MUC6: variants seen among roughly 807,000 people sequenced by gnomAD.
MUC6 encodes mucin-6.
MUC6 carries 188 observed loss-of-function variants against 201.5 expected under a neutral mutation model. The ratio of observed to expected loss-of-function variants is 0.93; its 90% CI spans 0.83 to 1.05. The LOEUF (loss-of-function observed/expected upper bound fraction) is 1.05. Ranked by LOEUF, MUC6 falls within the 50% of genes least tolerant of loss-of-function variation. The pLI is 0.00. For synonymous variants in MUC6, 1,228 were observed against 1,389.4 expected (o/e 0.88, Z 2.58); for missense variants, 2,706 against 3,256.9 (o/e 0.83, Z 4.12).
chr11:1,031,997 G>GGTCGAAGGTGGAGAAGTGACCAGCCCC lies in MUC6; in HGVS notation c.145_171dup (p.Gly49_Asp57dup). The GGTCGAAGGTGGAGAAGTGACCAGCCCC allele has an allele frequency of 6.2e-7, 1 of 1,613,584 alleles. No homozygotes were observed. Among genetic ancestry groups the GGTCGAAGGTGGAGAAGTGACCAGCCCC allele is most frequent in the Non-Finnish European group, 8.5e-7 (1 of 1,179,870 alleles). Reference sequence around the variant, plus strand: ...GTCCCCGAGAAGTCGTACACGTGGTGGTCGAAGGTGGAGAAGTGACCAGCC... The same window carrying GGTCGAAGGTGGAGAAGTGACCAGCCCC: ...GTCCCCGAGAAGTCGTACACGTGGTGGTCGAAGGTGGAGAAGTGACCAGCCCCGTCGAAGGTGGAGAAGTGACCAGCC... On this transcript the variant is annotated inframe_insertion, in exon 3 of 33. Transcript: ENST00000421673.
chr11:1,029,351 G>T lies in MUC6; in HGVS notation c.1152C>A (p.Gly384=). 6.2e-7 allele frequency: 1 copy of T among 1,600,360 alleles called. No homozygotes were observed. ...AACQTCRCTL[G]RWVCTERPCP... ...ACGGCCGCTCCGTGCACACCCAGCG[G>T]CCCAGGGTGCACCGGCTGTGGGTGG... Residue 384 remains glycine, a synonymous_variant, in exon 10 of 33, where the codon GGC becomes GGA. Transcript: ENST00000421673.
intron 19 of MUC6, 147 bp from the exon 20 acceptor site, chr11:1,026,625 C>G (rs1020943112): frequency 9.1e-7 from 1 of 1,095,530 alleles, no homozygotes; most frequent in East Asian, 2.6e-5. Context: ...GGCAGCTGGG[C>G]TTACTGCCTT....
Position 1,027,802 on chromosome 11 carries a change from C to T in MUC6, c.1864G>A (p.Ala622Thr), listed in dbSNP as rs1329049271. The change falls in exon 16 of 33, where the codon GCC becomes ACC. Residue 622 changes from alanine (A) to threonine (T), a missense_variant. This residue lies in a region of MUC6 where 1,850 missense variants were observed against 1,958.3 expected (regional missense o/e 0.94). Transcript: ENST00000421673. ...APFYKRCVYQ[A>T]CNYEETFPHI... Reference sequence around the variant, plus strand: ...GGAAAGGTCTCCTCGTAGTTGCAGGCCTGGTACACGCACCTCTGCGGGCAG... The same window carrying T: ...GGAAAGGTCTCCTCGTAGTTGCAGGTCTGGTACACGCACCTCTGCGGGCAG... 1 of 1,610,852 alleles carries T rather than the reference C, an allele frequency of 6.2e-7. No individual in the cohort carries two copies. Among genetic ancestry groups the T allele is most frequent in the Non-Finnish European group, 8.5e-7 (1 of 1,179,462 alleles).
rs954680950 is a variant in MUC6 at position 1,013,812 on chromosome 11, C to T, written c.7142+87G>A. Reference sequence around the variant, plus strand: ...GTGGCTCACCTGATGGGGCAGCAGGCGCCTGGGTGGGGTGCCCGAACCTCT... The same window carrying T: ...GTGGCTCACCTGATGGGGCAGCAGGTGCCTGGGTGGGGTGCCCGAACCTCT... On this transcript the variant is annotated intron_variant, in intron 32 of 32. Transcript: ENST00000421673. 1.8e-5 allele frequency: 26 copies of T among 1,444,690 alleles called. No homozygotes were observed. The African/African-American group carries it at 1.8e-4, about 10-fold the overall frequency. The allele number at this position is 1,444,690 out of a possible 1,614,324, so 89.5% of individuals were successfully genotyped here.
rs1395577230 is a variant in MUC6 at position 1,016,562 on chromosome 11, G to A, written c.6239C>T (p.Thr2080Ile). Residue 2080 changes from threonine (T) to isoleucine (I), a missense_variant, in exon 31 of 33, where the codon ACA becomes ATA. Around this residue, in one of 10 missense-constraint regions of MUC6, gnomAD observed 586 missense variants for 488.0 expected, o/e 1.20. Transcript: ENST00000421673. The stretch of plus-strand genomic sequence containing the variant: ...TATGAAGGAAGAAGAGGCTGTAGCT[G>A]TGCTGAATGAGCTGTGGGTTTGGCT... ...GTSQTHSSFSTATASSSFISS... is the reference protein window; with the variant it reads ...GTSQTHSSFSIATASSSFISS... 1 of 1,613,492 alleles carries A rather than the reference G, an allele frequency of 6.2e-7. No homozygotes were observed. Among genetic ancestry groups the A allele is most frequent in the Admixed American group, 1.7e-5 (1 of 60,010 alleles).
Position 1,018,658 on chromosome 11 carries a change from C to T in MUC6, c.4143G>A (p.Thr1381=), listed in dbSNP as rs756454875. 91 of 1,612,406 alleles carry T rather than the reference C, an allele frequency of 5.6e-5. No homozygotes were observed. The highest frequency in any genetic ancestry group is 2.2e-4 in the East Asian group (10 of 44,822). The part of the protein sequence containing the change: ...GPTTPQPGQP[T]RPTATETTQT... The stretch of plus-strand genomic sequence containing the variant: ...GAGTGGTCTCTGTGGCTGTGGGCCT[C>T]GTGGGTTGTCCTGGCTGTGGGGTGG... Residue 1381 remains threonine, a synonymous_variant, in exon 31 of 33, where the codon ACG becomes ACA. Coordinates refer to ENST00000421673, the MANE Select transcript of MUC6 (RefSeq NM_005961.3).
At chr11:1,019,747 AC>A (rs1267070642) in intron 29 of MUC6, among the ~76,000 whole-genome samples, 5 of 152,244 alleles carry the variant, frequency 3.3e-5, no homozygotes, top group Admixed American at 2.0e-4. Context: ...GCTTAGCTGA[AC>A]GGACTGTCGT....
intron 2 of MUC6, 137 bp from the exon 3 acceptor site, chr11:1,032,190 T>G: frequency 8.3e-7 from 1 of 1,199,574 alleles, no homozygotes; most frequent in Non-Finnish European, 1.1e-6. Flanking sequence ...ACCCCAGACA[T>G]CCGATGAACC....
intron 2 of MUC6, among the ~76,000 whole-genome samples, 152 bp from the exon 3 acceptor site, chr11:1,032,205 T>C (rs1857122196): frequency 6.6e-6 from 1 of 152,108 alleles, no homozygotes; most frequent in African/African-American, 2.4e-5. Context: ...TGAACCTGAG[T>C]GCTATGGTAT....
chr11:1,034,408 C>T (rs1013226775), intron 1 of MUC6, among the ~76,000 whole-genome samples: 2 of 152,214 alleles, frequency 1.3e-5, no homozygotes, highest in African/African-American at 2.4e-5. Context: ...ACTCATCCCC[C>T]TCCTGGGGGT....
intron 6 of MUC6, 42 bp from the exon 7 acceptor site, chr11:1,030,822 C>T (rs1339420488): frequency 6.5e-7 from 1 of 1,530,926 alleles, no homozygotes; most frequent in Non-Finnish European, 8.7e-7. Context: ...AGGCCACACC[C>T]CATGCCACCA....
Position 1,015,887 on chromosome 11 carries a change from G to A in MUC6, c.6914C>T (p.Thr2305Ile). The A allele has an allele frequency of 6.2e-7, 1 of 1,608,916 alleles. No homozygotes were observed. Among genetic ancestry groups the A allele is most frequent in the Non-Finnish European group, 8.5e-7 (1 of 1,177,018 alleles). Residue 2305 changes from threonine to isoleucine, a missense_variant, in exon 31 of 33, where the codon ACC becomes ATC. Transcript: ENST00000421673. ...CGACAAGGTGGGACCAGGGTGCCTG[G>A]TGGTAAGGTTGGTGACTGGAGAGGT... ...IPTSPVTNLT[T>I]RHPGPTLSPT...
At position 1,016,015 on chromosome 11, in the gene MUC6, A is replaced by C. The variant is rs753942569; in HGVS notation, c.6786T>G (p.Pro2262=). 1.2e-5 allele frequency: 19 copies of C among 1,606,978 alleles called. No homozygotes were observed. Among genetic ancestry groups the C allele is most frequent in the Admixed American group, 1.7e-5 (1 of 59,748 alleles). Residue 2262 remains proline, a synonymous_variant, in exon 31 of 33, where the codon CCT becomes CCG. Coordinates refer to ENST00000421673, the MANE Select transcript of MUC6 (RefSeq NM_005961.3). Reference sequence around the variant, plus strand: ...AGGTGGTGGACTGAGAGGAGAAGGCAGGGGCGGTGTGGGTGCTGGCCGTGG... The same window carrying C: ...AGGTGGTGGACTGAGAGGAGAAGGCCGGGGCGGTGTGGGTGCTGGCCGTGG... ...PRTTASTHTA[P]AFSSQSTTSR...
Position 1,027,177 on chromosome 11 carries a change from G to A in MUC6, c.2248C>T (p.Arg750Trp), listed in dbSNP as rs142554154. Residue 750 changes from arginine to tryptophan, a missense_variant, in exon 18 of 33, where the codon CGG becomes TGG. Coordinates refer to ENST00000421673, the MANE Select transcript of MUC6 (RefSeq NM_005961.3). ...NGITCHCING[R>W]LSCPQRPQMF... ...TGTGGCCGCTGCGGGCAACTCAGCC[G>A]CCCGTTGATGCAGTGGCTGCAAGAG... 9.4e-4 allele frequency: 1,522 copies of A among 1,612,500 alleles called. 34 individuals carry two copies. In the Admixed American group the frequency reaches 0.014, roughly 15 times the overall value.
chr11:1,021,305 G>C, intron 26 of MUC6, 28 bp from the exon 27 acceptor site: 1 of 1,476,974 alleles, frequency 6.8e-7, no homozygotes, highest in Non-Finnish European at 9.0e-7. Flanking sequence ...CAGGGTCTGT[G>C]TGACTGGTGG....
chr11:1,014,078 C>T (rs1026502312), intron 31 of MUC6, 77 bp from the exon 32 acceptor site: 26 of 1,303,552 alleles, frequency 2.0e-5, no homozygotes, highest in African/African-American at 4.4e-5. Flanking sequence ...GGCTAGAGAC[C>T]GGGGTCCCCA....
chr11:1,023,707 G>A, intron 25 of MUC6, 55 bp from the exon 26 acceptor site: 1 of 1,598,564 alleles, frequency 6.3e-7, no homozygotes, highest in Non-Finnish European at 8.5e-7. Context: ...CCCTGGCCCT[G>A]ACCCGGTGGT....
At chr11:1,014,532 G>A (rs1856557896) in intron 31 of MUC6, among the ~76,000 whole-genome samples, 1 of 152,224 alleles carries the variant, frequency 6.6e-6, no homozygotes, top group African/African-American at 2.4e-5. Flanking sequence ...CCGCGGGGAA[G>A]GCCCAGAGAC....
At position 1,026,159 on chromosome 11, in the gene MUC6, G is replaced by A; in HGVS notation, c.2547-18C>T. 6.3e-7 allele frequency: 1 copy of A among 1,583,296 alleles called. No individual in the cohort carries two copies. The highest frequency in any genetic ancestry group is 8.6e-7 in the Non-Finnish European group (1 of 1,166,160). On this transcript the variant is annotated intron_variant, in intron 20 of 32. Coordinates refer to ENST00000421673, the MANE Select transcript of MUC6 (RefSeq NM_005961.3). ...AGCAGGAGCTGTGGAGACAGCAGGT[G>A]TGGGTGGTGGGCCTGCGGCCCTCCT...
Sources: allele counts gnomAD v4.1 joint callset (sites outside exome capture counted in the v4.1 genomes callset), GRCh38; gene constraint gnomAD v4.1.1; regional missense constraint gnomAD v4.1.1; transcripts MANE v1.5; gene names NCBI Gene and HGNC (gene_info 2026-07-23, HGNC 2026-07-21).